The following DGKB variants were observed in gnomAD, a reference collection of about 807,000 sequenced individuals.
DGKB encodes diacylglycerol kinase beta.
DGKB carries 67 observed loss-of-function variants against 114.3 expected under a neutral mutation model. The observed-to-expected ratio is 0.59, with a 90% CI of 0.48 to 0.72. The LOEUF (loss-of-function observed/expected upper bound fraction) is 0.72. Ranked by LOEUF, DGKB falls within the 30% of genes least tolerant of loss-of-function variation. The probability of loss-of-function intolerance (pLI) is 0.00; values close to 1 mark genes in which losing one functional copy is unlikely to be tolerated. For synonymous variants in DGKB, 398 were observed against 323.1 expected (o/e 1.23, Z -2.49); for missense variants, 907 against 975.2 (o/e 0.93, Z 0.93).
intron 1 of DGKB, among the ~76,000 whole-genome samples, chr7:14,973,656 CAAAT>C (rs1787626704): frequency 6.7e-6 from 1 of 148,964 alleles, no homozygotes; most frequent in African/African-American, 2.5e-5. Flanking sequence ...CATTAGAAAA[CAAAT>C]AGCCTTTTAA....
chr7:14,163,679 T>G (rs979165853), intron 25 of DGKB, among the ~76,000 whole-genome samples: 1 of 152,022 alleles, frequency 6.6e-6, no homozygotes, highest in Admixed American at 6.5e-5. Flanking sequence ...CTCTTCAAAT[T>G]ATCAACATTT....
chr7:14,336,450 A>C (rs1810687347), intron 23 of DGKB, among the ~76,000 whole-genome samples: 1 of 152,150 alleles, frequency 6.6e-6, no homozygotes. Flanking sequence ...TGCTCATAGA[A>C]TGACCTTTGA....
intron 1 of DGKB, among the ~76,000 whole-genome samples, chr7:14,863,073 G>T (rs1851219459): frequency 6.6e-6 from 1 of 151,760 alleles, no homozygotes; most frequent in Non-Finnish European, 1.5e-5. Flanking sequence ...GAAATTAAAT[G>T]CTTGATATCA....
At chr7:14,763,353 C>T (rs1188598764) in intron 2 of DGKB, among the ~76,000 whole-genome samples, 1 of 152,058 alleles carries the variant, frequency 6.6e-6, no homozygotes, top group East Asian at 1.9e-4. Context: ...GCACTAGTAA[C>T]ACTATTAATT....
chr7:14,269,335 A>G (rs867607483), intron 23 of DGKB: 111 of 152,318 alleles, frequency 7.3e-4, no homozygotes, highest in African/African-American at 2.4e-3. Context: ...GGAGAGGGAA[A>G]TTAAGCTCCA....
intron 20 of DGKB, among the ~76,000 whole-genome samples, chr7:14,502,087 A>G (rs1786282077): frequency 6.6e-6 from 1 of 151,968 alleles, no homozygotes; most frequent in Non-Finnish European, 1.5e-5. Flanking sequence ...CCCCAGTGAA[A>G]GAGGAAGTCT....
At chr7:14,602,987 C>A (rs1172156139) in intron 17 of DGKB, among the ~76,000 whole-genome samples, 1 of 152,112 alleles carries the variant, frequency 6.6e-6, no homozygotes, top group Non-Finnish European at 1.5e-5. Context: ...GACTTTTCAA[C>A]ATCTTTAAAA....
At chr7:14,455,649 C>G (rs1251792983) in intron 21 of DGKB, among the ~76,000 whole-genome samples, 1 of 151,958 alleles carries the variant, frequency 6.6e-6, no homozygotes, top group Non-Finnish European at 1.5e-5. Flanking sequence ...CTCTGAGAAA[C>G]AGCAAACATT....
chr7:14,682,673 G>C lies in DGKB; in HGVS notation c.919-4C>G, dbSNP rs768630049. ...CAACCCAGTAATGGTGCATGACCTA[G>C]AACAGAATGACAACATTGTGATAAG... On this transcript the variant is annotated splice_region_variant and splice_polypyrimidine_tract_variant and intron_variant, in intron 11 of 25. Coordinates refer to ENST00000402815, the MANE Select transcript of DGKB (RefSeq NM_001350709.2). 1 of 1,611,372 alleles carries C rather than the reference G, an allele frequency of 6.2e-7. No homozygotes were observed. Among genetic ancestry groups the C allele is most frequent in the Non-Finnish European group, 8.5e-7 (1 of 1,177,706 alleles).
intron 20 of DGKB, among the ~76,000 whole-genome samples, chr7:14,534,250 C>T (rs2128601126): frequency 6.6e-6 from 1 of 151,904 alleles, no homozygotes; most frequent in Admixed American, 6.6e-5. Flanking sequence ...GTTATAATTA[C>T]AAGAGGTTAG....
rs149631701 is a variant in DGKB at position 14,909,918 on chromosome 7, A to T, written c.-188+64778T>A. On this transcript the variant is annotated intron_variant, in intron 1 of 4. Coordinates refer to the DGKB transcript ENST00000437998. ...AATGATGCTTTAAATAATCAAAATC[A>T]TGTATTAGCTGGGCACAGTGGTTCA... Among the ~76,000 whole-genome samples the T allele has an allele frequency of 2.9e-3, 440 of 152,230 alleles. 2 individuals carry two copies. The highest frequency in any genetic ancestry group is 0.01 in the African/African-American group (430 of 41,558).
chr7:14,255,199 C>T (rs1394430838), intron 23 of DGKB, among the ~76,000 whole-genome samples: 1 of 152,100 alleles, frequency 6.6e-6, no homozygotes, highest in Non-Finnish European at 1.5e-5. Context: ...AGCTTGAAAA[C>T]TCCTCTTGAA....
At chr7:14,504,323 C>T (rs1786675289) in intron 20 of DGKB, among the ~76,000 whole-genome samples, 1 of 152,128 alleles carries the variant, frequency 6.6e-6, no homozygotes, top group South Asian at 2.1e-4. Flanking sequence ...GGCTGTGCGC[C>T]TTTCTAATGG....
At chr7:14,515,236 A>G (rs1381938813) in intron 20 of DGKB, among the ~76,000 whole-genome samples, 2 of 152,208 alleles carry the variant, frequency 1.3e-5, no homozygotes, top group Non-Finnish European at 2.9e-5. Flanking sequence ...ATATTATTTC[A>G]TTATTTTTCC....
Position 14,841,108 on chromosome 7 carries a change from G to C in DGKB, c.70+86C>G, listed in dbSNP as rs1206426774. The C allele has an allele frequency of 1.4e-5, 17 of 1,219,076 alleles. No homozygotes were observed. In the East Asian group the frequency reaches 4.2e-4, roughly 30 times the overall value. The allele number at this position is 1,219,076 out of a possible 1,614,324, so 75.5% of individuals were successfully genotyped here. ...GCTGGATCTATCCCCATGAAGAACAGGATCTATGATCCATTCTTATAAATA... is the reference window on the plus strand; with the variant it reads ...GCTGGATCTATCCCCATGAAGAACACGATCTATGATCCATTCTTATAAATA... On this transcript the variant is annotated intron_variant, in intron 2 of 25. Transcript: ENST00000402815.
At chr7:14,641,813 C>T (rs780128584) in intron 13 of DGKB, among the ~76,000 whole-genome samples, 7 of 152,038 alleles carry the variant, frequency 4.6e-5, no homozygotes, top group South Asian at 2.1e-4. Context: ...TATTACTCTT[C>T]GTTTTTAAGA....
chr7:14,684,865 G>C (rs931998882), intron 10 of DGKB, among the ~76,000 whole-genome samples: 5 of 151,814 alleles, frequency 3.3e-5, no homozygotes, highest in African/African-American at 1.2e-4. Context: ...CTCATTATAA[G>C]ATGTTCATGT....
chr7:14,390,671 C>A (rs543148862), intron 21 of DGKB, among the ~76,000 whole-genome samples: 3 of 152,110 alleles, frequency 2.0e-5, no homozygotes, highest in African/African-American at 7.2e-5. Context: ...CAAGACATTT[C>A]TTTAACAAAA....
intron 21 of DGKB, among the ~76,000 whole-genome samples, chr7:14,475,013 A>T (rs1781961269): frequency 6.6e-6 from 1 of 152,152 alleles, no homozygotes. Flanking sequence ...GCAACGGAAA[A>T]ATCATTACCT....
Sources: gnomAD v4.1 joint callset for allele counts (sites outside exome capture counted in the v4.1 genomes callset) on GRCh38, gnomAD v4.1.1 for gene constraint, MANE v1.5 for transcripts, NCBI Gene and HGNC (gene_info 2026-07-23, HGNC 2026-07-21) for gene names.